Variants in COMMD1 observed in about 807,000 individuals in gnomAD.
The protein encoded by COMMD1 is COMM domain-containing protein 1.
A neutral mutation model predicts 17.2 loss-of-function variants in COMMD1; 10 were observed. The ratio of observed to expected loss-of-function variants is 0.58; its 90% CI spans 0.36 to 0.99. The LOEUF is 0.99. COMMD1 is among the 50% of genes least tolerant of loss of function. COMMD1 has a pLI of 0.01. For missense variants in COMMD1, 270 were observed against 231.8 expected, an observed-to-expected ratio of 1.17 and a Z score of -1.07; for synonymous variants, 97 against 91.6, an observed-to-expected ratio of 1.06 and a Z score of -0.34.
chr2:62,006,675 T>C (rs140484789), intron 2 of COMMD1, among the ~76,000 whole-genome samples: 1 of 152,362 alleles, frequency 6.6e-6, no homozygotes, highest in Non-Finnish European at 1.5e-5. Flanking sequence ...GAGACTGAAA[T>C]CCTGTCATAT....
At chr2:61,892,291 T>C (rs1469277524) in intron 1 of COMMD1, among the ~76,000 whole-genome samples, 1 of 152,012 alleles carries the variant, frequency 6.6e-6, no homozygotes, top group Non-Finnish European at 1.5e-5. Flanking sequence ...TACAAAACAA[T>C]AATACTTTGT....
intron 1 of COMMD1, among the ~76,000 whole-genome samples, chr2:61,991,174 A>G (rs1302332618): frequency 1.3e-5 from 2 of 152,092 alleles, no homozygotes; most frequent in African/African-American, 4.8e-5. Flanking sequence ...TAATTTTTAA[A>G]TTTGTTTTGG....
intron 2 of COMMD1, among the ~76,000 whole-genome samples, chr2:62,105,999 T>C (rs1391590218): frequency 2.0e-5 from 3 of 150,278 alleles, no homozygotes; most frequent in Non-Finnish European, 4.4e-5. Context: ...GAGAATGAAC[T>C]TTTTTTTTTC....
chr2:61,930,524 C>G (rs185467785), intron 1 of COMMD1, among the ~76,000 whole-genome samples: 32 of 152,116 alleles, frequency 2.1e-4, no homozygotes, highest in Admixed American at 5.9e-4. Flanking sequence ...CCATTGCACT[C>G]TATCCTGGGT....
intron 2 of COMMD1, among the ~76,000 whole-genome samples, chr2:62,051,714 G>C (rs1463454355): frequency 6.6e-6 from 1 of 152,190 alleles, no homozygotes; most frequent in Non-Finnish European, 1.5e-5. Context: ...ATCATAATCG[G>C]TTCCATTGGG....
intron 2 of COMMD1, among the ~76,000 whole-genome samples, chr2:62,086,825 T>C (rs1671684071): frequency 6.6e-6 from 1 of 152,038 alleles, no homozygotes; most frequent in Non-Finnish European, 1.5e-5. Context: ...AAAACAGCAA[T>C]ATAATATTGG....
chr2:61,998,119 A>C (rs1490269729), intron 1 of COMMD1, among the ~76,000 whole-genome samples: 3 of 152,124 alleles, frequency 2.0e-5, no homozygotes, highest in African/African-American at 7.2e-5. Flanking sequence ...CAACCTACAT[A>C]TAATTAAAGA....
chr2:61,914,690 GTTTT>G (rs970279883), intron 1 of COMMD1, among the ~76,000 whole-genome samples: 97 of 151,968 alleles, frequency 6.4e-4, no homozygotes, highest in African/African-American at 2.2e-3. Context: ...GTTTTCTGGG[GTTTT>G]TTGTTTTGTT....
chr2:61,934,495 A>G (rs535798282), intron 1 of COMMD1, among the ~76,000 whole-genome samples: 2 of 152,278 alleles, frequency 1.3e-5, no homozygotes, highest in East Asian at 1.9e-4. Flanking sequence ...GGCAGAGGCG[A>G]GAAGATCACC....
intron 2 of COMMD1, among the ~76,000 whole-genome samples, chr2:62,043,190 C>G (rs1201946396): frequency 6.6e-6 from 1 of 152,198 alleles, no homozygotes. Context: ...TAGCTTGTAC[C>G]TTGGCCAGGT....
intron 2 of COMMD1, among the ~76,000 whole-genome samples, chr2:62,007,270 A>G (rs1669148340): frequency 6.6e-6 from 1 of 152,146 alleles, no homozygotes; most frequent in South Asian, 2.1e-4. Flanking sequence ...TTTTTTAACC[A>G]ACTCATATGC....
intron 1 of COMMD1, among the ~76,000 whole-genome samples, chr2:61,941,233 G>T (rs11690803): frequency 2.3e-3 from 345 of 151,468 alleles, no homozygotes; most frequent in South Asian, 4.0e-3. Context: ...TCACCACGTT[G>T]GCCAGGCTGG....
chr2:61,896,617 C>G (rs1402392582), intron 1 of COMMD1, among the ~76,000 whole-genome samples: 1 of 152,058 alleles, frequency 6.6e-6, no homozygotes, highest in South Asian at 2.1e-4. Flanking sequence ...TATTACTCCT[C>G]TGCTTACAAC....
chr2:62,041,539 G>A (rs930924414), intron 2 of COMMD1, among the ~76,000 whole-genome samples: 5 of 152,084 alleles, frequency 3.3e-5, no homozygotes, highest in African/African-American at 9.7e-5. Flanking sequence ...CCAAGTAGCT[G>A]GGCAAACTTG....
At chr2:62,076,640 A>C (rs909269355) in intron 2 of COMMD1, among the ~76,000 whole-genome samples, 1 of 152,144 alleles carries the variant, frequency 6.6e-6, no homozygotes, top group African/African-American at 2.4e-5. Flanking sequence ...CTAGCTACTC[A>C]GGAGGCTGAG....
chr2:62,020,723 G>A (rs1366631554), intron 2 of COMMD1, among the ~76,000 whole-genome samples: 1 of 152,110 alleles, frequency 6.6e-6, no homozygotes, highest in Non-Finnish European at 1.5e-5. Context: ...TTGATGGTTG[G>A]GCGTGGTGGC....
chr2:61,971,955 T>A (rs1043419427), intron 1 of COMMD1, among the ~76,000 whole-genome samples: 31 of 152,068 alleles, frequency 2.0e-4, no homozygotes, highest in Non-Finnish European at 4.3e-4. Context: ...ACTTCATCTC[T>A]ACAGAAAATT....
At chr2:61,915,263 C>T (rs1385763940) in intron 1 of COMMD1, among the ~76,000 whole-genome samples, 1 of 152,130 alleles carries the variant, frequency 6.6e-6, no homozygotes, top group Non-Finnish European at 1.5e-5. Flanking sequence ...GCCTTGGCCC[C>T]ACTAAGTGCT....
chr2:62,089,704 G>C (rs566856046), intron 2 of COMMD1, among the ~76,000 whole-genome samples: 4 of 152,176 alleles, frequency 2.6e-5, no homozygotes, highest in African/African-American at 7.2e-5. Context: ...CAATATATAG[G>C]GTTAAATAAA....
Sources: allele counts gnomAD v4.1 joint callset (sites outside exome capture counted in the v4.1 genomes callset), GRCh38; gene constraint gnomAD v4.1.1; transcripts MANE v1.5; gene names NCBI Gene and HGNC (gene_info 2026-07-23, HGNC 2026-07-21).